BPI: variants seen among roughly 807,000 people sequenced by gnomAD.
The protein encoded by BPI is bactericidal permeability-increasing protein.
In BPI, 48 loss-of-function variants were observed where a neutral mutation model predicts 57.6. The observed-to-expected ratio is 0.83, with a 90% confidence interval of 0.66 to 1.06. The LOEUF (loss-of-function observed/expected upper bound fraction) is 1.06. BPI is among the 50% of genes least tolerant of loss of function. BPI has a pLI of 0.00. For missense variants in BPI, 651 were observed against 609.7 expected (o/e 1.07, Z -0.71); for synonymous variants, 237 against 238.2 (o/e 0.99, Z 0.05).
chr20:38,324,559 C>A (rs6069741), intron 8 of BPI, among the ~76,000 whole-genome samples: 62,089 of 151,892 alleles, frequency 0.41, 12,925 homozygotes, highest in South Asian at 0.47. Flanking sequence ...CGGTCACTGA[C>A]CAGCTCCTGA....
At chr20:38,331,225 C>A (rs1299962646) in intron 12 of BPI, 135 bp downstream of exon 12, 3 of 1,110,306 alleles carry the variant, frequency 2.7e-6, no homozygotes, top group South Asian at 3.0e-5. Context: ...ATTAATAGTT[C>A]AAGGAGCTTC....
At chr20:38,316,604 G>A (rs375004137) in intron 5 of BPI, among the ~76,000 whole-genome samples, 3 of 152,340 alleles carry the variant, frequency 2.0e-5, no homozygotes, top group African/African-American at 4.8e-5. Context: ...TGAGGAGGTC[G>A]GGAGGCAGGG....
At chr20:38,309,688 G>T (rs569923352) in intron 3 of BPI, among the ~76,000 whole-genome samples, 25 of 152,336 alleles carry the variant, frequency 1.6e-4, no homozygotes, top group African/African-American at 6.0e-4. Context: ...AATGGCAAGG[G>T]TATGAATGCA....
At chr20:38,332,238 C>T (rs2076746568) in intron 12 of BPI, among the ~76,000 whole-genome samples, 1 of 152,106 alleles carries the variant, frequency 6.6e-6, no homozygotes, top group Non-Finnish European at 1.5e-5. Flanking sequence ...CGCTGTTTCC[C>T]TGCAGGGAGT....
chr20:38,307,592 G>A lies in BPI; in HGVS notation c.156G>A (p.Leu52=). 6.2e-7 allele frequency: 1 copy of A among 1,610,006 alleles called. No homozygotes were observed. The highest frequency in any genetic ancestry group is 8.5e-7 in the Non-Finnish European group (1 of 1,178,440). Residue 52 remains leucine (L), a synonymous_variant, in exon 2 of 15, where the codon CTG becomes CTA. Coordinates refer to ENST00000642449, the MANE Select transcript of BPI (RefSeq NM_001725.3). ...DYASQQGTAA[L]QKELKRIKIP... is the part of the protein sequence containing the mutation. ...CCAGCCAGCAGGGGACGGCCGCTCTGCAGAAGGAGCTGAAGAGGATCAAGA... is the reference window on the plus strand; with the variant it reads ...CCAGCCAGCAGGGGACGGCCGCTCTACAGAAGGAGCTGAAGAGGATCAAGA...
chr20:38,335,233 A>G (rs949136302), intron 13 of BPI, among the ~76,000 whole-genome samples: 1 of 152,074 alleles, frequency 6.6e-6, no homozygotes, highest in Non-Finnish European at 1.5e-5. Context: ...GCTTTATCCT[A>G]AATGTTGAGG....
intron 5 of BPI, chr20:38,317,991 C>T: frequency 7.1e-6 from 7 of 985,182 alleles, no homozygotes; most frequent in Non-Finnish European, 8.4e-6. Flanking sequence ...ACTGCCCATG[C>T]TCCCAGAAGC....
chr20:38,330,988 C>A, intron 11 of BPI, 60 bp from the exon 12 acceptor site: 1 of 1,586,096 alleles, frequency 6.3e-7, no homozygotes, highest in Non-Finnish European at 8.7e-7. Flanking sequence ...TCTCTAGAGA[C>A]TGGGTTCTCA....
Position 38,310,539 on chromosome 20 carries a change from G to C in BPI, c.423G>C (p.Ser141=), listed in dbSNP as rs770658143. ...FDLSIEGMSI[S]ADLKLGSNPT... ...TGAGCATAGAAGGCATGTCCATTTC[G>C]GCTGATCTGAAGCTGGGCAGTAACC... The change falls in exon 4 of 15, where the codon TCG becomes TCC. Residue 141 remains serine (S), a synonymous_variant. Transcript: ENST00000642449. 1 of 1,614,126 alleles carries C rather than the reference G, an allele frequency of 6.2e-7. No individual in the cohort carries two copies. Among genetic ancestry groups the C allele is most frequent in the Non-Finnish European group, 8.5e-7 (1 of 1,180,014 alleles).
chr20:38,330,450 C>A (rs374696520), intron 11 of BPI, among the ~76,000 whole-genome samples: 1 of 152,168 alleles, frequency 6.6e-6, no homozygotes, highest in Admixed American at 6.5e-5. Context: ...TATGTTCCCC[C>A]CTTCCTCTGA....
In BPI at chr20:38,326,451, G is replaced by A; in HGVS notation, c.1161+19G>A. 6.2e-7 allele frequency: 1 copy of A among 1,604,490 alleles called. No individual in the cohort carries two copies. Among genetic ancestry groups the A allele is most frequent in the Non-Finnish European group, 8.5e-7 (1 of 1,175,302 alleles). On this transcript the variant is annotated intron_variant, in intron 10 of 14. Transcript: ENST00000642449. ...TGGCATGGTAAGCAGTTCCTGGGTT[G>A]GACAGATGAGGAGCCCCAGACAGTC...
At chr20:38,334,556 C>T in intron 13 of BPI, 63 bp downstream of exon 13, 1 of 1,515,780 alleles carries the variant, frequency 6.6e-7, no homozygotes, top group Non-Finnish European at 9.2e-7. Flanking sequence ...GGTTGATTAC[C>T]CACAGCCACC....
At chr20:38,314,639 G>A (rs1380424902) in intron 5 of BPI, among the ~76,000 whole-genome samples, 2 of 148,040 alleles carry the variant, frequency 1.4e-5, no homozygotes, top group Non-Finnish European at 3.0e-5. Context: ...TGATGGTGGT[G>A]ATGGTGATGG....
At chr20:38,317,020 C>G (rs1470754246) in intron 5 of BPI, among the ~76,000 whole-genome samples, 1 of 152,076 alleles carries the variant, frequency 6.6e-6, no homozygotes, top group East Asian at 1.9e-4. Context: ...AGTGGAAGGC[C>G]TTGGTCACAG....
At chr20:38,319,264 C>T (rs775269847) in intron 6 of BPI, among the ~76,000 whole-genome samples, 1 of 152,048 alleles carries the variant, frequency 6.6e-6, no homozygotes, top group Non-Finnish European at 1.5e-5. Context: ...AAACAAAAAA[C>T]ACATGAGGAA....
chr20:38,322,185 A>AT lies in BPI; in HGVS notation c.757-1676dup, dbSNP rs199673897. Among the ~76,000 whole-genome samples the AT allele has an allele frequency of 7.1e-3, 1,070 of 151,000 alleles. 12 individuals are homozygous for AT. The highest frequency in any genetic ancestry group is 0.024 in the African/African-American group (1,005 of 41,162). ...CCCTCCTGGGACACTTGGGCTTTCC[A>AT]TTTTTTTTTCCACAAACGTAACCAA... On this transcript the variant is annotated intron_variant, in intron 7 of 14. Transcript: ENST00000642449.
At chr20:38,328,823 C>T (rs893548008) in intron 11 of BPI, among the ~76,000 whole-genome samples, 1 of 147,366 alleles carries the variant, frequency 6.8e-6, no homozygotes, top group South Asian at 2.2e-4. Context: ...ATAGTGAGAC[C>T]TCGTCTCTAC....
chr20:38,313,992 G>A (rs531692275), intron 5 of BPI, among the ~76,000 whole-genome samples: 1 of 151,066 alleles, frequency 6.6e-6, no homozygotes, highest in Non-Finnish European at 1.5e-5. Flanking sequence ...TGGTGATTAT[G>A]TGGTTGATGA....
intron 2 of BPI, among the ~76,000 whole-genome samples, chr20:38,308,558 C>T (rs2076607237): frequency 1.3e-5 from 2 of 152,212 alleles, no homozygotes; most frequent in African/African-American, 2.4e-5. Context: ...CAGAGCTCTT[C>T]TGTACAGAGC....
Sources: gnomAD v4.1 joint callset for allele counts (sites outside exome capture counted in the v4.1 genomes callset) on GRCh38, gnomAD v4.1.1 for gene constraint, MANE v1.5 for transcripts, NCBI Gene and HGNC (gene_info 2026-07-23, HGNC 2026-07-21) for gene names.